EYS: variants seen among roughly 807,000 people sequenced by gnomAD.
EYS encodes the protein EGF-like photoreceptor maintenance factor.
A neutral mutation model predicts 282.1 loss-of-function variants in EYS; 250 were observed. The ratio of observed to expected loss-of-function variants is 0.89; its 90% CI spans 0.80 to 0.98. EYS has a LOEUF of 0.98. EYS is among the 50% of genes least tolerant of loss of function. EYS has a pLI of 0.00. For missense variants in EYS, 4,016 were observed against 3,709.0 expected, an observed-to-expected ratio of 1.08 and a Z score of -2.15; for synonymous variants, 1,355 against 1,282.9, an observed-to-expected ratio of 1.06 and a Z score of -1.20.
At chr6:65,620,613 C>T (rs1014314590) in intron 2 of EYS, among the ~76,000 whole-genome samples, 33 of 150,388 alleles carry the variant, frequency 2.2e-4, no homozygotes, top group Middle Eastern at 3.4e-3. Flanking sequence ...TGTGTTTGCT[C>T]TTGCTTTTCT....
chr6:65,287,659 G>C (rs2150280418), intron 12 of EYS, among the ~76,000 whole-genome samples: 1 of 151,366 alleles, frequency 6.6e-6, no homozygotes, highest in South Asian at 2.1e-4. Context: ...AAAACGTGTT[G>C]TACTAAAGAG....
intron 10 of EYS, among the ~76,000 whole-genome samples, chr6:65,338,703 A>G (rs1238812334): frequency 1.3e-5 from 2 of 151,162 alleles, no homozygotes; most frequent in East Asian, 3.9e-4. Flanking sequence ...ATGCAATAAA[A>G]TCATGATTTT....
intron 33 of EYS, among the ~76,000 whole-genome samples, chr6:64,000,490 G>C (rs566539318): frequency 1.3e-5 from 2 of 151,500 alleles, no homozygotes; most frequent in South Asian, 4.2e-4. Context: ...GTGAGCCACC[G>C]AGCCCGGCAG....
intron 2 of EYS, among the ~76,000 whole-genome samples, chr6:65,508,047 C>T (rs1339635286): frequency 6.6e-6 from 1 of 152,088 alleles, no homozygotes; most frequent in Non-Finnish European, 1.5e-5. Flanking sequence ...CAGAGATGAA[C>T]AGGCCTCTAA....
At chr6:65,643,126 T>C (rs1417464469) in intron 1 of EYS, among the ~76,000 whole-genome samples, 1 of 152,182 alleles carries the variant, frequency 6.6e-6, no homozygotes, top group Non-Finnish European at 1.5e-5. Context: ...ATGCTGGTGG[T>C]CTGAGGCAAG....
intron 7 of EYS, among the ~76,000 whole-genome samples, chr6:65,391,605 A>C (rs1170357851): frequency 1.3e-5 from 2 of 152,126 alleles, no homozygotes; most frequent in Non-Finnish European, 2.9e-5. Flanking sequence ...TAGGATTCCA[A>C]CTTACAAGGG....
At chr6:63,746,800 A>G (rs1029424253) in intron 41 of EYS, among the ~76,000 whole-genome samples, 4 of 151,880 alleles carry the variant, frequency 2.6e-5, no homozygotes, top group Admixed American at 6.6e-5. Context: ...TACTGTGTCT[A>G]TTTGATTCTT....
intron 35 of EYS, among the ~76,000 whole-genome samples, chr6:63,888,217 CAG>C (rs1773315722): frequency 6.6e-6 from 1 of 152,244 alleles, no homozygotes; most frequent in African/African-American, 2.4e-5. Flanking sequence ...GCAGCTTCAG[CAG>C]ACTTATACAT....
At chr6:65,230,933 G>A (rs1419710591) in intron 12 of EYS, among the ~76,000 whole-genome samples, 1 of 150,832 alleles carries the variant, frequency 6.6e-6, no homozygotes, top group Non-Finnish European at 1.5e-5. Flanking sequence ...AAAACAAAAA[G>A]TGAATATATA....
chr6:65,506,362 T>A (rs1244047892), intron 2 of EYS, among the ~76,000 whole-genome samples: 1 of 152,054 alleles, frequency 6.6e-6, no homozygotes, highest in Non-Finnish European at 1.5e-5. Context: ...TTGGGTACTT[T>A]ACATGATTAT....
intron 31 of EYS, among the ~76,000 whole-genome samples, chr6:64,179,145 A>G (rs1376449258): frequency 6.6e-6 from 1 of 152,102 alleles, no homozygotes; most frequent in Admixed American, 6.6e-5. Flanking sequence ...TAAAGAATGT[A>G]TGTCCAAATA....
In EYS at chr6:65,338,473, C is replaced by A. The variant is rs528282874; in HGVS notation, c.1600-3327G>T. Among the ~76,000 whole-genome samples the A allele has an allele frequency of 1.5e-4, 22 of 151,028 alleles. No individual in the cohort carries two copies. The Admixed American group carries it at 1.5e-3, about 10-fold the overall frequency. ...CAAAAAATTCTATTAAACATTCTATCAAAACATTACATCAAACATGTTAAC... is the reference window on the plus strand; with the variant it reads ...CAAAAAATTCTATTAAACATTCTATAAAAACATTACATCAAACATGTTAAC... On this transcript the variant is annotated intron_variant, in intron 10 of 42. Coordinates refer to ENST00000503581, the MANE Select transcript of EYS (RefSeq NM_001142800.2).
chr6:64,668,470 G>T (rs1236275530), intron 22 of EYS, among the ~76,000 whole-genome samples: 1 of 149,878 alleles, frequency 6.7e-6, no homozygotes, highest in Non-Finnish European at 1.5e-5. Flanking sequence ...GACACAATTT[G>T]CTCCTTTTTT....
intron 19 of EYS, among the ~76,000 whole-genome samples, chr6:64,828,689 A>C (rs542984454): frequency 6.6e-5 from 10 of 152,020 alleles, no homozygotes; most frequent in Non-Finnish European, 1.5e-4. Flanking sequence ...ACCAGTGGCA[A>C]TCTACAGTAG....
At chr6:64,620,402 C>A (rs774515021) in intron 23 of EYS, among the ~76,000 whole-genome samples, 1 of 152,144 alleles carries the variant, frequency 6.6e-6, no homozygotes, top group African/African-American at 2.4e-5. Flanking sequence ...GAAGAATCTG[C>A]TAAGACACCC....
At chr6:64,145,152 T>C (rs1053982741) in intron 31 of EYS, among the ~76,000 whole-genome samples, 1 of 152,188 alleles carries the variant, frequency 6.6e-6, no homozygotes, top group Non-Finnish European at 1.5e-5. Flanking sequence ...ACCTTTAGAC[T>C]AATATAGTTC....
intron 40 of EYS, 119 bp downstream of exon 40, chr6:63,777,887 A>G (rs1770103709): frequency 2.0e-6 from 2 of 988,206 alleles, no homozygotes; most frequent in Admixed American, 2.2e-5. Flanking sequence ...CTACATAAGA[A>G]CATTTTAAAT....
chr6:63,942,630 C>T (rs1196518135), intron 35 of EYS, among the ~76,000 whole-genome samples: 1 of 152,150 alleles, frequency 6.6e-6, no homozygotes. Flanking sequence ...TCTTTTAGGA[C>T]ATGGGCCCTT....
At chr6:63,778,328 C>T (rs539123403) in intron 39 of EYS, 148 bp from the exon 40 acceptor site, 9 of 827,356 alleles carry the variant, frequency 1.1e-5, no homozygotes, top group Admixed American at 5.7e-5. Context: ...TACAGAAATG[C>T]GCAGAGAAAT....
Sources: gnomAD v4.1 joint callset for allele counts (sites outside exome capture counted in the v4.1 genomes callset) on GRCh38, gnomAD v4.1.1 for gene constraint, MANE v1.5 for transcripts, NCBI Gene and HGNC (gene_info 2026-07-23, HGNC 2026-07-21) for gene names.